ARHGAP32: variants seen among roughly 807,000 people sequenced by gnomAD.
The protein encoded by ARHGAP32 is Rho GTPase activating protein 32.
ARHGAP32 carries 51 observed loss-of-function variants against 186.5 expected under a neutral mutation model. The ratio of observed to expected loss-of-function variants is 0.27; its 90% CI spans 0.22 to 0.35. ARHGAP32 has a LOEUF of 0.35. Among genes scored for constraint, ARHGAP32 ranks in the 10% least tolerant of loss-of-function variants. ARHGAP32 has a pLI of 1.00. For synonymous variants in ARHGAP32, 950 were observed against 964.3 expected (o/e 0.99, Z 0.27); for missense variants, 2,186 against 2,623.5 (o/e 0.83, Z 3.64).
intron 1 of ARHGAP32, among the ~76,000 whole-genome samples, chr11:129,177,059 A>G (rs1565457402): frequency 6.6e-6 from 1 of 150,884 alleles, no homozygotes; most frequent in African/African-American, 2.4e-5. Flanking sequence ...TAAAGAAAAA[A>G]AGAGAGAAGA....
intron 1 of ARHGAP32, among the ~76,000 whole-genome samples, chr11:129,178,815 T>C (rs7482057): frequency 0.63 from 93,302 of 146,996 alleles, 30,131 homozygotes; most frequent in Non-Finnish European, 0.7. Flanking sequence ...AAGACTTAAA[T>C]ATTAGACCTA....
intron 6 of ARHGAP32, among the ~76,000 whole-genome samples, chr11:129,090,058 C>T (rs1042870716): frequency 2.0e-5 from 3 of 152,168 alleles, no homozygotes; most frequent in Non-Finnish European, 4.4e-5. Flanking sequence ...ATGAACAGCA[C>T]GTTACTCATC....
intron 5 of ARHGAP32, among the ~76,000 whole-genome samples, chr11:129,096,006 T>C (rs1301949158): frequency 6.6e-6 from 1 of 152,158 alleles, no homozygotes; most frequent in Non-Finnish European, 1.5e-5. Context: ...TCTTATCAAA[T>C]ACAGATCAGC....
chr11:129,041,014 T>C lies in ARHGAP32; in HGVS notation c.964-5A>G. The C allele has an allele frequency of 6.3e-7, 1 of 1,584,988 alleles. No homozygotes were observed. ...GTGTCCAGGGAAGAGTCCCACCTGA[T>C]GAAAAGCAACAAAGAAAGGATTCTA... On this transcript the variant is annotated splice_region_variant and splice_polypyrimidine_tract_variant and intron_variant, in intron 10 of 22. Coordinates refer to ENST00000682385, the MANE Select transcript of ARHGAP32 (RefSeq NM_001378024.1).
At chr11:129,192,558 T>C (rs993124863), upstream of ARHGAP32, among the ~76,000 whole-genome samples, 4 of 152,224 alleles carry the variant, frequency 2.6e-5, no homozygotes, top group African/African-American at 9.6e-5. Flanking sequence ...AAATGCAGGC[T>C]TTATTTGTAT....
intron 1 of ARHGAP32, among the ~76,000 whole-genome samples, chr11:129,237,802 AAG>A (rs1427000615): frequency 6.6e-6 from 1 of 152,172 alleles, no homozygotes; most frequent in African/African-American, 2.4e-5. Flanking sequence ...CTTTTTGCAA[AAG>A]AGGAACATGA....
intron 1 of ARHGAP32, among the ~76,000 whole-genome samples, chr11:129,246,038 C>T (rs1011625901): frequency 2.6e-5 from 4 of 152,120 alleles, no homozygotes; most frequent in Non-Finnish European, 5.9e-5. Context: ...ATTAGCTATT[C>T]ATTAAACATT....
intron 1 of ARHGAP32, among the ~76,000 whole-genome samples, chr11:129,231,183 C>T (rs183688297): frequency 1.3e-5 from 2 of 152,226 alleles, no homozygotes; most frequent in Admixed American, 6.5e-5. Context: ...TTTTACATAG[C>T]ACATACTTTG....
In ARHGAP32 at chr11:128,967,984, A is replaced by G. The variant is rs1945258013; in HGVS notation, c.*923T>C. The G allele has an allele frequency of 7.4e-6, 1 of 135,148 alleles. No homozygotes were observed. 8.4% of individuals were successfully genotyped at this position (135,148 alleles called of 1,614,324 possible). ...TTGATAATTTAGGAAAACCAATGGT[A>G]TGACATGTTTTACTAGAATTACAAT... On this transcript the variant is annotated 3_prime_UTR_variant, in exon 23 of 23. Coordinates refer to ENST00000682385, the MANE Select transcript of ARHGAP32 (RefSeq NM_001378024.1).
At chr11:129,163,745 T>C (rs1431763354) in intron 2 of ARHGAP32, among the ~76,000 whole-genome samples, 4 of 152,156 alleles carry the variant, frequency 2.6e-5, no homozygotes, top group African/African-American at 2.4e-5. Context: ...TTAAGTCAGA[T>C]TGTGTCACTG....
intron 2 of ARHGAP32, among the ~76,000 whole-genome samples, chr11:129,145,545 T>C (rs1943151215): frequency 6.6e-6 from 1 of 152,024 alleles, no homozygotes; most frequent in Non-Finnish European, 1.5e-5. Context: ...TCTTGTAAGT[T>C]TTAAAAATTT....
At chr11:129,003,241 C>A (rs956070892) in intron 11 of ARHGAP32, among the ~76,000 whole-genome samples, 6 of 152,196 alleles carry the variant, frequency 3.9e-5, no homozygotes, top group Non-Finnish European at 5.9e-5. Context: ...ATAAATCCCA[C>A]TTGGCCATGA....
intron 1 of ARHGAP32, among the ~76,000 whole-genome samples, chr11:129,267,971 A>G (rs949923128): frequency 2.6e-5 from 4 of 152,156 alleles, no homozygotes; most frequent in Non-Finnish European, 4.4e-5. Flanking sequence ...CACCCACGGA[A>G]GGCATTAATG....
intron 6 of ARHGAP32, among the ~76,000 whole-genome samples, chr11:129,083,231 T>A (rs1954728726): frequency 6.6e-6 from 1 of 152,202 alleles, no homozygotes; most frequent in African/African-American, 2.4e-5. Context: ...ATCCCACTAC[T>A]GGGTATCTAC....
chr11:129,061,591 G>T (rs1180274183), intron 10 of ARHGAP32, among the ~76,000 whole-genome samples: 4 of 152,138 alleles, frequency 2.6e-5, no homozygotes, highest in African/African-American at 9.7e-5. Context: ...TAACTGAGAG[G>T]GCTACTGAAT....
At chr11:129,029,865 C>A (rs1338595350) in intron 11 of ARHGAP32, among the ~76,000 whole-genome samples, 3 of 148,202 alleles carry the variant, frequency 2.0e-5, no homozygotes, top group Admixed American at 6.7e-5. Context: ...CATTCCCTAT[C>A]CCTAGCAAGC....
rs755144406 is a variant in ARHGAP32 at position 128,969,101 on chromosome 11, C to T, written c.6112G>A (p.Asp2038Asn). 23 of 1,604,664 alleles carry T rather than the reference C, an allele frequency of 1.4e-5. No homozygotes were observed. In the South Asian group the frequency reaches 2.4e-4, roughly 17 times the overall value. Residue 2038 changes from aspartate to asparagine, a missense_variant, in exon 23 of 23, where the codon GAT (aspartate) becomes AAT (asparagine). Physicochemically the swap from Asp to Asn is conservative, Grantham distance 23. Transcript: ENST00000682385. This position sits in a 1 kb window ranked among gnomAD's most constrained non-coding sequence, Gnocchi z 4.8. ...AGGGAGTGGTAATCTTCCAGGTTATCATACTGGGACACAACAGTCACACTG... is the reference window on the plus strand; with the variant it reads ...AGGGAGTGGTAATCTTCCAGGTTATTATACTGGGACACAACAGTCACACTG... ...QSSVTVVSQY[D>N]NLEDYHSLPQ...
chr11:129,051,018 A>G (rs1940020996), intron 10 of ARHGAP32, among the ~76,000 whole-genome samples: 1 of 152,144 alleles, frequency 6.6e-6, no homozygotes, highest in African/African-American at 2.4e-5. Context: ...TATATGTGCC[A>G]CATTTTCTTT....
intron 1 of ARHGAP32, among the ~76,000 whole-genome samples, chr11:129,263,019 G>T (rs1000654421): frequency 5.3e-5 from 8 of 152,098 alleles, no homozygotes; most frequent in Admixed American, 1.3e-4. Context: ...TCAACAAACG[G>T]TTCTGAGAAA....
Sources: allele counts gnomAD v4.1 joint callset (sites outside exome capture counted in the v4.1 genomes callset), GRCh38; gene constraint gnomAD v4.1.1; non-coding constraint Gnocchi (gnomAD v3.1); transcripts MANE v1.5; gene names NCBI Gene and HGNC (gene_info 2026-07-23, HGNC 2026-07-21).